PSME4: variants seen among roughly 807,000 people sequenced by gnomAD.
PSME4 encodes the protein proteasome activator complex subunit 4.
A neutral mutation model predicts 253.9 loss-of-function variants in PSME4; 89 were observed. The observed-to-expected ratio is 0.35, with a 90% CI of 0.30 to 0.42. The LOEUF (loss-of-function observed/expected upper bound fraction) is 0.42. PSME4 is among the 10% of genes least tolerant of loss of function. The pLI, the probability that PSME4 is intolerant of heterozygous loss-of-function variation, is 1.00. For synonymous variants in PSME4, 851 were observed against 759.2 expected (o/e 1.12, Z -1.99); for missense variants, 2,014 against 2,195.2 (o/e 0.92, Z 1.65).
At chr2:53,869,801 T>C (rs555440147) in intron 43 of PSME4, 1 of 240,056 alleles carries the variant, frequency 4.2e-6, no homozygotes, top group South Asian at 1.5e-4. Context: ...ATAAATTATT[T>C]TCCCTACTGA....
intron 10 of PSME4, among the ~76,000 whole-genome samples, chr2:53,928,654 T>C (rs776473748): frequency 2.6e-5 from 4 of 152,206 alleles, no homozygotes; most frequent in Non-Finnish European, 4.4e-5. Flanking sequence ...ATCACAGGTA[T>C]GCATGCATGT....
intron 1 of PSME4, among the ~76,000 whole-genome samples, chr2:53,949,955 G>A (rs556216435): frequency 6.6e-6 from 1 of 152,210 alleles, no homozygotes; most frequent in Admixed American, 6.5e-5. Context: ...CTATTATGCA[G>A]TAAAAAATTG....
chr2:53,952,206 T>C (rs1262930528), intron 1 of PSME4, among the ~76,000 whole-genome samples: 1 of 151,262 alleles, frequency 6.6e-6, no homozygotes, highest in Non-Finnish European at 1.5e-5. Context: ...GAGGCCGAGG[T>C]GGGCAGATCA....
chr2:53,896,029 T>G (rs1558660684), intron 32 of PSME4, among the ~76,000 whole-genome samples: 1 of 152,160 alleles, frequency 6.6e-6, no homozygotes. Flanking sequence ...TATTTAGATT[T>G]GAAATAATAA....
chr2:53,941,797 T>C (rs749107688), intron 3 of PSME4, among the ~76,000 whole-genome samples: 1 of 152,160 alleles, frequency 6.6e-6, no homozygotes, highest in African/African-American at 2.4e-5. Context: ...TCAGTACTAA[T>C]GCTTGTGTTC....
At chr2:53,872,897 A>T (rs558715014) in intron 43 of PSME4, among the ~76,000 whole-genome samples, 83 of 66,076 alleles carry the variant, frequency 1.3e-3, no homozygotes, top group Admixed American at 8.7e-3. Context: ...ATAAGAAATT[A>T]AAAAAAAAAA....
chr2:53,903,324 G>A (rs1047491436), intron 27 of PSME4, among the ~76,000 whole-genome samples: 4 of 152,126 alleles, frequency 2.6e-5, no homozygotes, highest in African/African-American at 9.6e-5. Flanking sequence ...CTAGTTGTAC[G>A]ATCCAAAAGC....
rs35076319 is a variant in PSME4, at chr2:53,867,502, GA to G, written c.5264-623del. On this transcript the variant is annotated intron_variant, in intron 44 of 46. Transcript: ENST00000404125. ...ATACAGAGTGAGGCTCCGTCTCAAG[GA>G]AAAAAAAAAAAAAAAAAAAGCTAGG... Among the ~76,000 whole-genome samples, 368 of 100,086 alleles carry G rather than the reference GA, an allele frequency of 3.7e-3. 2 individuals carry two copies. The highest frequency in any genetic ancestry group is 0.011 in the African/African-American group (283 of 25,228). The allele number at this position is 100,086 out of a possible 152,430, so 65.7% of individuals were successfully genotyped here. A position where few individuals can be genotyped will look rare whatever the true frequency, so the allele number is the denominator to read the frequency against.
chr2:53,911,285 C>T (rs1033812367), intron 20 of PSME4, among the ~76,000 whole-genome samples: 2 of 152,180 alleles, frequency 1.3e-5, no homozygotes, highest in Non-Finnish European at 2.9e-5. Flanking sequence ...CACTAACTTA[C>T]TTCAAAGCTT....
At chr2:53,897,818 G>A in intron 31 of PSME4, 52 bp downstream of exon 31, 2 of 1,570,020 alleles carry the variant, frequency 1.3e-6, no homozygotes, top group South Asian at 1.1e-5. Flanking sequence ...AAAGACTTCA[G>A]GTCACGTACA....
At chr2:53,945,755 A>C (rs529904527) in intron 3 of PSME4, among the ~76,000 whole-genome samples, 80 of 152,394 alleles carry the variant, frequency 5.2e-4, no homozygotes, top group African/African-American at 1.8e-3. Context: ...TTATAAAAAT[A>C]GCATTCTAAA....
At chr2:53,871,683 T>C (rs1678884651) in intron 43 of PSME4, among the ~76,000 whole-genome samples, 1 of 152,154 alleles carries the variant, frequency 6.6e-6, no homozygotes, top group African/African-American at 2.4e-5. Context: ...ATAAATAATA[T>C]CCAAATCCAC....
At chr2:53,940,706 T>G (rs559473391) in intron 3 of PSME4, among the ~76,000 whole-genome samples, 2 of 151,024 alleles carry the variant, frequency 1.3e-5, no homozygotes, top group African/African-American at 4.9e-5. Context: ...ATTTACTAGA[T>G]CATAGTCAAG....
At chr2:53,965,893 C>A (rs567639766) in intron 1 of PSME4, among the ~76,000 whole-genome samples, 3 of 151,612 alleles carry the variant, frequency 2.0e-5, no homozygotes, top group Non-Finnish European at 2.9e-5. Flanking sequence ...AGGCTGGTCT[C>A]GAACTCCTGA....
At chr2:53,901,142 C>G (rs1412289006) in intron 28 of PSME4, among the ~76,000 whole-genome samples, 1 of 152,092 alleles carries the variant, frequency 6.6e-6, no homozygotes, top group East Asian at 1.9e-4. Flanking sequence ...GTCTCCCTAC[C>G]ATGCTCCAAC....
intron 1 of PSME4, among the ~76,000 whole-genome samples, chr2:53,954,538 A>G (rs1670147708): frequency 6.6e-6 from 1 of 152,086 alleles, no homozygotes; most frequent in Admixed American, 6.6e-5. Context: ...TAGCAATACT[A>G]TCTTGAGTAA....
At chr2:53,937,803 G>A (rs936169907) in intron 4 of PSME4, among the ~76,000 whole-genome samples, 1 of 152,042 alleles carries the variant, frequency 6.6e-6, no homozygotes, top group African/African-American at 2.4e-5. Flanking sequence ...TTCAAGATTG[G>A]CTTGGGCAAA....
Position 53,875,737 on chromosome 2 carries a change from C to T in PSME4, c.4834G>A (p.Asp1612Asn). 3 of 1,611,042 alleles carry T rather than the reference C, an allele frequency of 1.9e-6. No homozygotes were observed. The highest frequency in any genetic ancestry group is 2.5e-6 in the Non-Finnish European group (3 of 1,178,916). ...CTTTTCAGTTCATCGTAGCTATTGT[C>T]ATTTTCCACTGGGGCAATCTAAAAA... ...LFFKIAPVENDNSYDELKRDA... is the reference protein window; with the variant it reads ...LFFKIAPVENNNSYDELKRDA... The change falls in exon 42 of 47, where the codon GAC (aspartate) becomes AAC (asparagine). Residue 1612 changes from aspartate to asparagine, a missense_variant. By Grantham distance (23) the Asp-to-Asn change is conservative (BLOSUM62 1). This residue lies in a region of PSME4 where 403 missense variants were observed against 556.1 expected (regional missense o/e 0.72). Coordinates refer to ENST00000404125, the MANE Select transcript of PSME4 (RefSeq NM_014614.3).
Position 53,906,620 on chromosome 2 carries a change from A to G in PSME4, c.2921T>C (p.Leu974Ser). The G allele has an allele frequency of 6.3e-7, 1 of 1,597,374 alleles. No individual in the cohort carries two copies. The highest frequency in any genetic ancestry group is 8.5e-7 in the Non-Finnish European group (1 of 1,172,764). ...HQDMIRDLLR[L>S]STSSYSQVRN... ...TACCTGACTGTATGAACTTGTAGAT[A>G]AACGAAGAAGATCTCTGATCATATC... is the stretch of plus-strand genomic sequence containing the variant. The change falls in exon 26 of 47, where the codon TTA becomes TCA. Residue 974 changes from leucine (L) to serine (S), a missense_variant. By Grantham distance (145) the Leu-to-Ser change is moderately radical. Coordinates refer to ENST00000404125, the MANE Select transcript of PSME4 (RefSeq NM_014614.3).
Sources: allele counts gnomAD v4.1 joint callset (sites outside exome capture counted in the v4.1 genomes callset), GRCh38; gene constraint gnomAD v4.1.1; regional missense constraint gnomAD v4.1.1; transcripts MANE v1.5; gene names NCBI Gene and HGNC (gene_info 2026-07-23, HGNC 2026-07-21).